The following MGAT4C variants were observed in gnomAD, a reference collection of about 807,000 sequenced individuals.
The protein encoded by MGAT4C is alpha-1,3-mannosyl-glycoprotein 4-beta-N-acetylglucosaminyltransferase C.
MGAT4C carries 19 observed loss-of-function variants against 40.1 expected under a neutral mutation model. The ratio of observed to expected loss-of-function variants is 0.47; its 90% CI spans 0.33 to 0.70. The LOEUF is 0.70. MGAT4C is among the 30% of genes least tolerant of loss of function. The pLI is 0.02. For missense variants in MGAT4C, 491 were observed against 563.2 expected (o/e 0.87, Z 1.30); for synonymous variants, 181 against 187.1 (o/e 0.97, Z 0.27).
intron 2 of MGAT4C, among the ~76,000 whole-genome samples, chr12:86,727,025 A>G (rs1032446514): frequency 2.0e-5 from 3 of 152,150 alleles, no homozygotes; most frequent in Non-Finnish European, 2.9e-5. Context: ...GCTCTATTGT[A>G]ATCACATCTT....
chr12:86,160,807 A>C (rs1885510356), intron 1 of MGAT4C, among the ~76,000 whole-genome samples: 1 of 152,016 alleles, frequency 6.6e-6, no homozygotes, highest in South Asian at 2.1e-4. Context: ...ACTGAATTGT[A>C]CCCTTTATCA....
intron 2 of MGAT4C, among the ~76,000 whole-genome samples, chr12:86,633,048 ATATATAT>A (rs1234537349): frequency 2.0e-5 from 3 of 151,902 alleles, no homozygotes; most frequent in Non-Finnish European, 4.4e-5. Context: ...TATATACCAA[ATATATAT>A]TATATATTTG....
At chr12:86,388,708 T>A (rs1455946634) in intron 3 of MGAT4C, among the ~76,000 whole-genome samples, 5 of 138,394 alleles carry the variant, frequency 3.6e-5, no homozygotes, top group Non-Finnish European at 6.1e-5. Context: ...TTAGACAGAG[T>A]CTTGCTCTTG....
intron 3 of MGAT4C, among the ~76,000 whole-genome samples, chr12:86,342,681 C>T (rs377725803): frequency 4.6e-5 from 7 of 152,068 alleles, no homozygotes; most frequent in East Asian, 1.9e-4. Context: ...TCTCGTGATC[C>T]GCCCACCTCG....
At chr12:86,688,093 T>G (rs1460560766) in intron 2 of MGAT4C, among the ~76,000 whole-genome samples, 1 of 152,046 alleles carries the variant, frequency 6.6e-6, no homozygotes, top group Non-Finnish European at 1.5e-5. Flanking sequence ...TGTAATGCTC[T>G]TGTCTTTTTT....
At chr12:86,214,904 G>A (rs1051117144) in intron 1 of MGAT4C, among the ~76,000 whole-genome samples, 5 of 152,018 alleles carry the variant, frequency 3.3e-5, no homozygotes, top group Non-Finnish European at 7.4e-5. Flanking sequence ...ACTTTCATTT[G>A]GTACCAATGA....
intron 1 of MGAT4C, among the ~76,000 whole-genome samples, chr12:86,229,545 G>C (rs1040284019): frequency 6.6e-6 from 1 of 151,898 alleles, no homozygotes; most frequent in Non-Finnish European, 1.5e-5. Context: ...GTTTACATTG[G>C]TTATATTTCA....
chr12:86,731,460 A>G (rs1034753574), intron 1 of MGAT4C, among the ~76,000 whole-genome samples: 1 of 152,144 alleles, frequency 6.6e-6, no homozygotes, highest in Non-Finnish European at 1.5e-5. Flanking sequence ...TTTCAAAATC[A>G]AGCCATTCTC....
At chr12:86,775,905 AT>A (rs1951740570) in intron 1 of MGAT4C, among the ~76,000 whole-genome samples, 2 of 151,094 alleles carry the variant, frequency 1.3e-5, no homozygotes, top group South Asian at 4.2e-4. Flanking sequence ...ATAGGATTTT[AT>A]TTTTTTCCTT....
intron 2 of MGAT4C, among the ~76,000 whole-genome samples, chr12:86,551,577 C>A (rs1959364367): frequency 6.6e-6 from 1 of 152,190 alleles, no homozygotes; most frequent in Non-Finnish European, 1.5e-5. Flanking sequence ...GATAAACAGC[C>A]CTGTGGTTCA....
rs545526346 is a variant in MGAT4C at position 86,728,743 on chromosome 12, A to G, written c.-261-1502T>C. On this transcript the variant is annotated intron_variant, in intron 1 of 7. Transcript: ENST00000548651. ...CGCTCACTACTGTTGAGTTTGCTGC[A>G]TATTAGGCCACACTTTTTTCTCCGT... Among the ~76,000 whole-genome samples, 11 of 152,320 alleles carry G rather than the reference A, an allele frequency of 7.2e-5. No individual in the cohort carries two copies. The East Asian group carries it at 1.9e-3, about 27-fold the overall frequency.
At chr12:86,075,965 A>G (rs1869617830) in intron 1 of MGAT4C, among the ~76,000 whole-genome samples, 1 of 152,174 alleles carries the variant, frequency 6.6e-6, no homozygotes, top group South Asian at 2.1e-4. Context: ...TACTTATGCA[A>G]ATTTCTGCAG....
At chr12:86,262,415 G>GTCTCTA in intron 4 of MGAT4C, among the ~76,000 whole-genome samples, 1 of 152,062 alleles carries the variant, frequency 6.6e-6, no homozygotes, top group East Asian at 1.9e-4. Context: ...TTATCTAGGT[G>GTCTCTA]TCTCTACTCA....
chr12:86,645,351 T>C (rs1963512477), intron 2 of MGAT4C, among the ~76,000 whole-genome samples: 1 of 151,834 alleles, frequency 6.6e-6, no homozygotes, highest in South Asian at 2.1e-4. Context: ...TATATGAATT[T>C]TAATACAAAA....
At chr12:86,645,978 T>C (rs980341341) in intron 2 of MGAT4C, among the ~76,000 whole-genome samples, 3 of 151,886 alleles carry the variant, frequency 2.0e-5, no homozygotes, top group African/African-American at 7.2e-5. Flanking sequence ...ATCAGTTTTA[T>C]TTAAAGCAAA....
intron 2 of MGAT4C, among the ~76,000 whole-genome samples, chr12:86,440,306 A>G (rs1251189723): frequency 2.0e-5 from 3 of 152,120 alleles, no homozygotes. Flanking sequence ...CATTCCAGGG[A>G]TACAGGGATG....
chr12:86,830,955 C>A (rs751050685), intron 1 of MGAT4C, among the ~76,000 whole-genome samples: 1 of 151,708 alleles, frequency 6.6e-6, no homozygotes, highest in Non-Finnish European at 1.5e-5. Context: ...AAAAACAAGA[C>A]ATGAAACAAA....
At chr12:86,625,916 C>T (rs923414739) in intron 2 of MGAT4C, among the ~76,000 whole-genome samples, 2 of 151,808 alleles carry the variant, frequency 1.3e-5, no homozygotes, top group Non-Finnish European at 2.9e-5. Context: ...TGTAAATGGA[C>T]CAAATGTCTC....
At chr12:86,495,971 G>A (rs1237684117) in intron 2 of MGAT4C, among the ~76,000 whole-genome samples, 1 of 151,692 alleles carries the variant, frequency 6.6e-6, no homozygotes, top group African/African-American at 2.4e-5. Flanking sequence ...CTACATTCCT[G>A]CCCCGCTATA....
Sources: allele counts gnomAD v4.1 joint callset (sites outside exome capture counted in the v4.1 genomes callset), GRCh38; gene constraint gnomAD v4.1.1; transcripts MANE v1.5; gene names NCBI Gene and HGNC (gene_info 2026-07-23, HGNC 2026-07-21).